OR8S1: variants seen among roughly 807,000 people sequenced by gnomAD.
OR8S1 encodes olfactory receptor family 8 subfamily S member 1.
For missense variants in OR8S1, 362 were observed against 372.1 expected, an observed-to-expected ratio of 0.97 and a Z score of 0.22; for synonymous variants, 150 against 151.4, an observed-to-expected ratio of 0.99 and a Z score of 0.07.
exon 1 of OR8S1, chr12:48,526,236 C>A (rs763613030): frequency 1.5e-5 from 25 of 1,613,804 alleles, no homozygotes; most frequent in Non-Finnish European, 2.0e-5. Flanking sequence ...TTGCTCTGCT[C>A]CACTCTCCTA....
exon 1 of OR8S1, chr12:48,525,879 A>G (rs1289775168): frequency 6.2e-7 from 1 of 1,614,188 alleles, no homozygotes; most frequent in East Asian, 2.2e-5. Flanking sequence ...AAGATGCTGG[A>G]GAACCTCCTG....
exon 1 of OR8S1, chr12:48,526,463 G>A: frequency 1.9e-6 from 3 of 1,612,756 alleles, no homozygotes; most frequent in East Asian, 2.2e-5. Flanking sequence ...GCAGTATACT[G>A]TAGTCACTCC....
chr12:48,526,565 C>A (rs778982978), exon 1 of OR8S1: 2 of 1,513,098 alleles, frequency 1.3e-6, no homozygotes, highest in Non-Finnish European at 1.8e-6. Context: ...ATATACCAGA[C>A]GTTGAGTTAA....
At chr12:48,525,662 G>A (rs140344146) in exon 1 of OR8S1, 70 of 1,613,664 alleles carry the variant, frequency 4.3e-5, no homozygotes, top group African/African-American at 3.5e-4. Flanking sequence ...CACCATCACC[G>A]AGTTCCTCCT....
At chr12:48,525,796 C>G (rs1473074135) in exon 1 of OR8S1, 2 of 1,614,026 alleles carry the variant, frequency 1.2e-6, no homozygotes, top group Non-Finnish European at 8.5e-7. Flanking sequence ...ATTCTTGTCT[C>G]CATAAGCCCA....
chr12:48,525,719 C>G (rs759088506), exon 1 of OR8S1: 5 of 1,613,998 alleles, frequency 3.1e-6, no homozygotes, highest in Non-Finnish European at 4.2e-6. Flanking sequence ...GCTCTTTGTG[C>G]TGTTCCTGGG....
At position 48,526,375 on chromosome 12, in the gene OR8S1, G is replaced by A; in HGVS notation, c.744G>A (p.Val248=). Reference sequence around the variant, plus strand: ...CCTGCTCTGCCCACCTCACTGCAGTGACACTTTACTATGGCTCAGGTTTGC... The same window carrying A: ...CCTGCTCTGCCCACCTCACTGCAGTAACACTTTACTATGGCTCAGGTTTGC... Residue 248 remains valine (V), a synonymous_variant, in exon 1 of 1, where the codon GTG becomes GTA. Transcript: ENST00000641651. The A allele has an allele frequency of 1.9e-6, 3 of 1,614,126 alleles. No homozygotes were observed. In the South Asian group the frequency reaches 3.3e-5, roughly 18 times the overall value.
At chr12:48,525,682 G>A (rs777607032) in exon 1 of OR8S1, 19 of 1,614,044 alleles carry the variant, frequency 1.2e-5, no homozygotes, top group Middle Eastern at 1.6e-4. Context: ...TCCTTGGGCT[G>A]TCTGCCGACC....
exon 1 of OR8S1, chr12:48,525,958 G>T (rs762481688): frequency 6.2e-7 from 1 of 1,614,160 alleles, no homozygotes; most frequent in South Asian, 1.1e-5. Flanking sequence ...TCACTGCAGG[G>T]ACTGAAGCCT....
Position 48,525,824 on chromosome 12 carries a change from C to T in OR8S1, c.193C>T (p.His65Tyr), listed in dbSNP as rs760015585. 1.1e-5 allele frequency: 17 copies of T among 1,613,914 alleles called. No homozygotes were observed. In the African/African-American group the frequency reaches 2.3e-4, roughly 22 times the overall value. The change falls in exon 1 of 1, where the codon CAC (histidine) becomes TAC (tyrosine). Residue 65 changes from histidine (H) to tyrosine (Y), a missense_variant. By Grantham distance (83) the His-to-Tyr change is moderately conservative. Transcript: ENST00000641651. ...TAAGCCCATGTATTTCTTCCTGAGT[C>T]ACCTCTCTTTTGTTGATCTCTGCTT...
exon 1 of OR8S1, chr12:48,525,878 G>C (rs2137115803): frequency 1.9e-6 from 3 of 1,614,154 alleles, no homozygotes; most frequent in East Asian, 2.2e-5. Flanking sequence ...CAAGATGCTG[G>C]AGAACCTCCT....
At chr12:48,525,958 G>A in exon 1 of OR8S1, 1 of 1,614,160 alleles carries the variant, frequency 6.2e-7, no homozygotes, top group Non-Finnish European at 8.5e-7. Flanking sequence ...TCACTGCAGG[G>A]ACTGAAGCCT....
exon 1 of OR8S1, chr12:48,525,963 A>T: frequency 6.2e-7 from 1 of 1,614,134 alleles, no homozygotes; most frequent in Non-Finnish European, 8.5e-7. Context: ...GCAGGGACTG[A>T]AGCCTGCCTT....
In OR8S1 at chr12:48,525,746, A is replaced by G. The variant is rs1460483166; in HGVS notation, c.115A>G (p.Ile39Val). 9 of 1,614,064 alleles carry G rather than the reference A, an allele frequency of 5.6e-6. No homozygotes were observed. In the Admixed American group the frequency reaches 1.3e-4, roughly 24 times the overall value. The change falls in exon 1 of 1, where the codon ATA (isoleucine) becomes GTA (valine). Residue 39 changes from isoleucine (I) to valine (V), a missense_variant. Transcript: ENST00000641651. ...GTTCCTGGGGATTTACCTCCTGACCATAATGGAAAACCTGATGCTGCTGCT... is the reference window on the plus strand; with the variant it reads ...GTTCCTGGGGATTTACCTCCTGACCGTAATGGAAAACCTGATGCTGCTGCT...
At chr12:48,525,826 C>T in exon 1 of OR8S1, 1 of 1,614,116 alleles carries the variant, frequency 6.2e-7, no homozygotes, top group South Asian at 1.1e-5. Context: ...TCCTGAGTCA[C>T]CTCTCTTTTG....
At chr12:48,526,223 G>A (rs12425518) in exon 1 of OR8S1, 198,355 of 1,613,708 alleles carry the variant, frequency 0.12, 25,128 homozygotes, top group East Asian at 0.55. Context: ...AAGCCTCATC[G>A]CCTTGCTCTG....
At chr12:48,525,779 A>T in exon 1 of OR8S1, 1 of 1,614,152 alleles carries the variant, frequency 6.2e-7, no homozygotes, top group South Asian at 1.1e-5. Flanking sequence ...GCTCATGATC[A>T]GGGCTGATTC....
exon 1 of OR8S1, chr12:48,526,561 C>G (rs538677311): frequency 1.3e-6 from 2 of 1,530,956 alleles, no homozygotes; most frequent in South Asian, 2.3e-5. Context: ...TGCAATATAC[C>G]AGACGTTGAG....
At chr12:48,526,537 T>C (rs766057985) in exon 1 of OR8S1, 2 of 1,587,902 alleles carry the variant, frequency 1.3e-6, no homozygotes, top group South Asian at 2.2e-5. Flanking sequence ...TGAAAAGAAC[T>C]TTGGAAAAAT....
Sources: allele counts gnomAD v4.1 joint callset, GRCh38; gene constraint gnomAD v4.1.1; transcripts MANE v1.5; gene names NCBI Gene and HGNC (gene_info 2026-07-23, HGNC 2026-07-21).